Variants in ACSL4 observed in about 807,000 individuals in gnomAD.
ACSL4 encodes acyl-CoA synthetase long chain family member 4.
In ACSL4, 9 loss-of-function variants were observed where a neutral mutation model predicts 49.1. The ratio of observed to expected loss-of-function variants is 0.18; its 90% confidence interval spans 0.11 to 0.32. The LOEUF is 0.32. ACSL4 is among the 10% of genes least tolerant of loss of function. The probability of loss-of-function intolerance (pLI) is 1.00; values close to 1 mark genes in which losing one functional copy is unlikely to be tolerated. For missense variants in ACSL4, 333 were observed against 493.7 expected (o/e 0.67, Z 3.08); for synonymous variants, 191 against 170.3 (o/e 1.12, Z -0.95).
At chrX:109,718,503 C>T (rs1927293306) in intron 1 of ACSL4, among the ~76,000 whole-genome samples, 1 of 112,148 alleles carries the variant, frequency 8.9e-6, no homozygotes. Flanking sequence ...TCATGTAATC[C>T]CAACATTTTG....
At chrX:109,646,546 G>A (rs1182414043) in intron 15 of ACSL4, among the ~76,000 whole-genome samples, 5 of 106,959 alleles carry the variant, frequency 4.7e-5, no homozygotes, top group South Asian at 4.3e-4. Context: ...AGGAACAACC[G>A]GTACCAGCCA....
chrX:109,681,582 C>G (rs1236513881), intron 4 of ACSL4, among the ~76,000 whole-genome samples: 3 of 111,901 alleles, frequency 2.7e-5, no homozygotes, highest in African/African-American at 9.7e-5. Context: ...TCCCAGAACT[C>G]TCACTTCCTA....
At position 109,682,804 on chromosome X, in the gene ACSL4, T is replaced by A; in HGVS notation, c.321A>T (p.Lys107Asn). The A allele has an allele frequency of 8.3e-7, 1 of 1,211,763 alleles. No individual in the cohort carries two copies. The highest frequency in any genetic ancestry group is 1.1e-6 in the Non-Finnish European group (1 of 895,420). The change falls in exon 4 of 16, where the codon AAA (lysine) becomes AAT (asparagine). Residue 107 changes from lysine to asparagine, a missense_variant. Physicochemically the swap from Lys to Asn is moderately conservative, Grantham distance 94 (BLOSUM62 0). Around this residue, in one of 3 missense-constraint regions of ACSL4, gnomAD observed 157 missense variants for 201.1 expected, o/e 0.78. Transcript: ENST00000672401. ...FGSGLTALGL[K>N]PKNTIAIFCE... Reference sequence around the variant, plus strand: ...AGAAGATGGCAATGGTGTTCTTTGGTTTTAGTCCCAGTGCAGTGAGTCCAC... The same window carrying A: ...AGAAGATGGCAATGGTGTTCTTTGGATTTAGTCCCAGTGCAGTGAGTCCAC...
At chrX:109,716,265 A>G (rs1435293217) in intron 1 of ACSL4, among the ~76,000 whole-genome samples, 2 of 112,119 alleles carry the variant, frequency 1.8e-5, no homozygotes, top group Non-Finnish European at 3.8e-5. Context: ...TCAACCCTAT[A>G]ATAATTGCCC....
chrX:109,695,993 A>G (rs761310804), intron 2 of ACSL4, 151 bp downstream of exon 2: 1 of 112,488 alleles, frequency 8.9e-6, no homozygotes, highest in Non-Finnish European at 1.9e-5. Context: ...ATTTTGCTCT[A>G]TAAAATACTG....
Position 109,707,601 on chromosome X carries a change from C to CCGGT in ACSL4, c.-65-11409_-65-11406dup, listed in dbSNP as rs756733505. Among the ~76,000 whole-genome samples the CCGGT allele has an allele frequency of 3.7e-3, 412 of 110,406 alleles. 2 individuals are homozygous for CCGGT. The highest frequency in any genetic ancestry group is 0.012 in the African/African-American group (377 of 30,249). ...GCTCCTAACAGGCCATGGACCAGTA[C>CCGGT]CGGTCCATGGTCTGGGAGTTGCGGA... On this transcript the variant is annotated intron_variant, in intron 1 of 15. Coordinates refer to ENST00000672401, the MANE Select transcript of ACSL4 (RefSeq NM_001318510.2).
At chrX:109,673,923 T>C (rs898766210) in intron 9 of ACSL4, among the ~76,000 whole-genome samples, 1 of 111,619 alleles carries the variant, frequency 9.0e-6, no homozygotes, top group African/African-American at 3.3e-5. Context: ...TCCGAATATA[T>C]AGAATTAAAC....
chrX:109,720,241 A>G, intron 1 of ACSL4, among the ~76,000 whole-genome samples: 1 of 109,984 alleles, frequency 9.1e-6, no homozygotes, highest in African/African-American at 3.3e-5. Flanking sequence ...GAGGCAGGAG[A>G]ATCACTTGAA....
chrX:109,652,862 AAAAT>A (rs1921264625), intron 15 of ACSL4, among the ~76,000 whole-genome samples: 1 of 111,561 alleles, frequency 9.0e-6, no homozygotes, highest in Admixed American at 9.6e-5. Flanking sequence ...TTATAGGTAT[AAAAT>A]AAATAAGCTT....
rs182916365 is a variant in ACSL4, at chrX:109,668,664, C to A, written c.1142+370G>T. 6.2e-3 allele frequency among the ~76,000 whole-genome samples: 692 copies of A among 112,014 alleles called. 7 individuals carry two copies. The highest frequency in any genetic ancestry group is 0.028 in the South Asian group (75 of 2,707). On this transcript the variant is annotated intron_variant, in intron 10 of 15. Transcript: ENST00000672401. The stretch of plus-strand genomic sequence containing the variant: ...ATAAGTTATATTCATATACTTACTA[C>A]ACTATTTTATGAATACAATAAATCA...
intron 1 of ACSL4, among the ~76,000 whole-genome samples, chrX:109,711,109 A>C (rs2147516776): frequency 8.9e-6 from 1 of 112,918 alleles, no homozygotes; most frequent in African/African-American, 3.2e-5. Flanking sequence ...CACCAATTTT[A>C]TTTTTGTAAT....
At chrX:109,644,736 G>A (rs1249235282) in intron 15 of ACSL4, among the ~76,000 whole-genome samples, 1 of 112,792 alleles carries the variant, frequency 8.9e-6, no homozygotes, top group Non-Finnish European at 1.9e-5. Flanking sequence ...CGACACAGAA[G>A]ACGGGTGATT....
intron 6 of ACSL4, among the ~76,000 whole-genome samples, chrX:109,678,740 G>C (rs967157601): frequency 1.8e-5 from 2 of 112,337 alleles, no homozygotes; most frequent in Non-Finnish European, 3.8e-5. Context: ...TAAGGCAGGA[G>C]GACTGGGTGA....
intron 1 of ACSL4, among the ~76,000 whole-genome samples, chrX:109,729,180 C>T (rs1241506948): frequency 4.5e-5 from 5 of 110,769 alleles, no homozygotes; most frequent in African/African-American, 1.6e-4. Flanking sequence ...CACCACTGCA[C>T]TCCAGCCTGG....
chrX:109,708,896 G>A (rs1469160348), intron 1 of ACSL4, among the ~76,000 whole-genome samples: 2 of 111,546 alleles, frequency 1.8e-5, no homozygotes, highest in Non-Finnish European at 3.8e-5. Context: ...CAGGCATTTT[G>A]GATAAGAGAT....
chrX:109,664,347 TTC>T (rs1041621379), intron 12 of ACSL4, among the ~76,000 whole-genome samples: 3 of 111,545 alleles, frequency 2.7e-5, no homozygotes, highest in Non-Finnish European at 3.8e-5. Flanking sequence ...CTTTAAACAT[TTC>T]TCTGATTCCA....
chrX:109,722,694 T>C (rs778452734), intron 1 of ACSL4, among the ~76,000 whole-genome samples: 1 of 111,234 alleles, frequency 9.0e-6, no homozygotes, highest in African/African-American at 3.3e-5. Flanking sequence ...CATGACTTTT[T>C]TTTTTTTTTA....
chrX:109,684,587 A>G (rs1924438384), intron 2 of ACSL4, among the ~76,000 whole-genome samples: 1 of 112,507 alleles, frequency 8.9e-6, no homozygotes, highest in African/African-American at 3.2e-5. Flanking sequence ...GGTGACCACT[A>G]AAGCATTTCC....
chrX:109,658,490 G>A (rs1010505644), intron 15 of ACSL4, among the ~76,000 whole-genome samples: 1 of 111,373 alleles, frequency 9.0e-6, no homozygotes, highest in African/African-American at 3.3e-5. Context: ...CTGTCTACAG[G>A]ATTACATCCA....
Sources: allele counts gnomAD v4.1 joint callset (sites outside exome capture counted in the v4.1 genomes callset), GRCh38; gene constraint gnomAD v4.1.1; regional missense constraint gnomAD v4.1.1; transcripts MANE v1.5; gene names NCBI Gene and HGNC (gene_info 2026-07-23, HGNC 2026-07-21).